The following TMEM209 variants were observed in gnomAD, a reference collection of about 807,000 sequenced individuals.
TMEM209 encodes transmembrane protein 209.
TMEM209 carries 65 observed loss-of-function variants against 76.2 expected under a neutral mutation model. The ratio of observed to expected loss-of-function variants is 0.85; its 90% confidence interval spans 0.70 to 1.05. The LOEUF (loss-of-function observed/expected upper bound fraction) is 1.05. Among genes scored for constraint, TMEM209 ranks in the 50% least tolerant of loss-of-function variants. The pLI is 0.00. For synonymous variants in TMEM209, 239 were observed against 237.6 expected, an observed-to-expected ratio of 1.01 and a Z score of -0.06; for missense variants, 623 against 685.5, an observed-to-expected ratio of 0.91 and a Z score of 1.02.
intron 8 of TMEM209, among the ~76,000 whole-genome samples, chr7:130,183,399 G>A (rs1370594623): frequency 6.6e-6 from 1 of 152,120 alleles, no homozygotes; most frequent in Non-Finnish European, 1.5e-5. Flanking sequence ...TCCATAAAAT[G>A]CCATCCAGGT....
chr7:130,185,855 G>T (rs1797579736), intron 6 of TMEM209, among the ~76,000 whole-genome samples: 1 of 152,058 alleles, frequency 6.6e-6, no homozygotes, highest in South Asian at 2.1e-4. Context: ...ACAGCCTGTG[G>T]TAATTCCTGA....
chr7:130,199,694 AACAT>A (rs1798120702), intron 5 of TMEM209: 1 of 152,228 alleles, frequency 6.6e-6, no homozygotes, highest in South Asian at 2.1e-4. Flanking sequence ...AGGGAGAGTT[AACAT>A]AAGAAAAAAA....
intron 13 of TMEM209, among the ~76,000 whole-genome samples, chr7:130,171,891 A>G (rs561153126): frequency 2.6e-5 from 4 of 152,096 alleles, no homozygotes; most frequent in African/African-American, 7.2e-5. Flanking sequence ...AAATTAGCCA[A>G]GCGTGGTGGC....
chr7:130,191,775 T>A (rs752806922), intron 6 of TMEM209, among the ~76,000 whole-genome samples: 1 of 152,252 alleles, frequency 6.6e-6, no homozygotes, highest in African/African-American at 2.4e-5. Context: ...ATTACAAAGA[T>A]GTGCCAAGGA....
Position 130,181,795 on chromosome 7 carries a change from G to A in TMEM209, c.1024-76C>T. 4 of 1,187,540 alleles carry A rather than the reference G, an allele frequency of 3.4e-6. No homozygotes were observed. In the South Asian group the frequency reaches 4.1e-5, roughly 12 times the overall value. The allele number at this position is 1,187,540 out of a possible 1,614,324, so 73.6% of individuals were successfully genotyped here. A position where few individuals can be genotyped will look rare whatever the true frequency, so the allele number is the denominator to read the frequency against. On this transcript the variant is annotated intron_variant, in intron 8 of 14. Transcript: ENST00000397622. ...CAAATAATTACTTTCTTTTTTACAA[G>A]CAACTCTAAGAATTTTTTTTACTAT...
Position 130,173,676 on chromosome 7 carries a change from G to A in TMEM209, c.1513C>T (p.His505Tyr). 4 of 1,613,716 alleles carry A rather than the reference G, an allele frequency of 2.5e-6. No homozygotes were observed. Among genetic ancestry groups the A allele is most frequent in the Non-Finnish European group, 3.4e-6 (4 of 1,179,814 alleles). Residue 505 changes from histidine (H) to tyrosine (Y), a missense_variant, in exon 13 of 15, where the codon CAT (histidine) becomes TAT (tyrosine). Transcript: ENST00000397622. Reference sequence around the variant, plus strand: ...TGACGCTGGTAGATGAGCTCATAATGGGGAGGGTTGATAGCACTCTGATAA... The same window carrying A: ...TGACGCTGGTAGATGAGCTCATAATAGGGAGGGTTGATAGCACTCTGATAA... ...CIYQSAINPPHYELIYQRHVY... is the reference protein window; with the variant it reads ...CIYQSAINPPYYELIYQRHVY...
chr7:130,170,308 C>G, intron 14 of TMEM209, 92 bp downstream of exon 14: 2 of 1,068,500 alleles, frequency 1.9e-6, no homozygotes, highest in Non-Finnish European at 2.8e-6. Context: ...ATCCATAAAC[C>G]TTCAGTTACA....
At chr7:130,200,933 C>T (rs990790175) in intron 5 of TMEM209, among the ~76,000 whole-genome samples, 1 of 151,400 alleles carries the variant, frequency 6.6e-6, no homozygotes, top group Non-Finnish European at 1.5e-5. Flanking sequence ...ACTGAAAGTA[C>T]AAAAAATTAG....
intron 4 of TMEM209, 135 bp from the exon 5 acceptor site, chr7:130,202,226 T>C: frequency 8.1e-7 from 1 of 1,231,138 alleles, no homozygotes; most frequent in Admixed American, 2.9e-5. Context: ...TCACAGAATG[T>C]ATTATTACCA....
In TMEM209 at chr7:130,184,247, T is replaced by A. The variant is rs1797518692; in HGVS notation, c.960A>T (p.Ala320=). Residue 320 remains alanine, a synonymous_variant, in exon 8 of 15, where the codon GCA becomes GCT. Transcript: ENST00000397622. Reference sequence around the variant, plus strand: ...GAAGTTGTCTATTCATAGCCACTCTTGCCCAGACCTATAAAAATTCATGTT... The same window carrying A: ...GAAGTTGTCTATTCATAGCCACTCTAGCCCAGACCTATAAAAATTCATGTT... ...SSKQAAEEVW[A]RVAMNRQLLD... The A allele has an allele frequency of 6.2e-7, 1 of 1,601,196 alleles. No individual in the cohort carries two copies. The highest frequency in any genetic ancestry group is 8.5e-7 in the Non-Finnish European group (1 of 1,174,710).
rs751870550 is a variant in TMEM209 at position 130,178,469 on chromosome 7, A to G, written c.1179T>C (p.Thr393=). 2.5e-6 allele frequency: 4 copies of G among 1,613,768 alleles called. No homozygotes were observed. In the African/African-American group the frequency reaches 5.3e-5, roughly 22 times the overall value. ...CTAGATACTGAACGATTGTGTTCAAAGTCGGAATGAGAGGCGCTTTAACCA... is the reference window on the plus strand; with the variant it reads ...CTAGATACTGAACGATTGTGTTCAAGGTCGGAATGAGAGGCGCTTTAACCA... ...AALVKAPLIP[T]LNTIVQYLDL... Residue 393 remains threonine (T), a synonymous_variant, in exon 10 of 15, where the codon ACT becomes ACC. Coordinates refer to ENST00000397622, the MANE Select transcript of TMEM209 (RefSeq NM_032842.4).
chr7:130,188,510 G>C (rs1430678483), intron 6 of TMEM209, among the ~76,000 whole-genome samples: 2 of 149,972 alleles, frequency 1.3e-5, no homozygotes, highest in Non-Finnish European at 3.0e-5. Context: ...GCAGGAGAAT[G>C]GCATGAACCC....
intron 9 of TMEM209, among the ~76,000 whole-genome samples, chr7:130,180,745 A>C (rs1797384524): frequency 6.6e-6 from 1 of 152,238 alleles, no homozygotes; most frequent in Non-Finnish European, 1.5e-5. Flanking sequence ...TCATCATGGA[A>C]ATGCAAATCA....
intron 5 of TMEM209, among the ~76,000 whole-genome samples, chr7:130,196,325 G>A (rs527653049): frequency 7.5e-6 from 1 of 133,650 alleles, no homozygotes; most frequent in African/African-American, 2.5e-5. Flanking sequence ...CCAATTTTTG[G>A]CTTTTTTTTT....
intron 5 of TMEM209, among the ~76,000 whole-genome samples, chr7:130,194,235 TA>T (rs1364257778): frequency 7.0e-6 from 1 of 142,786 alleles, no homozygotes; most frequent in Non-Finnish European, 1.5e-5. Flanking sequence ...TGTGAGGGGG[TA>T]TACTGATCAT....
chr7:130,192,794 A>G lies in TMEM209; in HGVS notation c.603T>C (p.Ser201=). Residue 201 remains serine (S), a synonymous_variant, in exon 6 of 15, where the codon TCT becomes TCC. Transcript: ENST00000397622. Reference sequence around the variant, plus strand: ...CTGGTCCAACAGTGGTAGGGTACGGAGAAGGAGGAGAGGGGCTAAAGCTCG... The same window carrying G: ...CTGGTCCAACAGTGGTAGGGTACGGGGAAGGAGGAGAGGGGCTAAAGCTCG... ...KLASFSPSPP[S]PYPTTVGPVE... is the part of the protein sequence containing the mutation. 1 of 1,613,964 alleles carries G rather than the reference A, an allele frequency of 6.2e-7. No homozygotes were observed. The highest frequency in any genetic ancestry group is 8.5e-7 in the Non-Finnish European group (1 of 1,179,862).
chr7:130,181,770 C>T, intron 8 of TMEM209, 51 bp from the exon 9 acceptor site: 1 of 1,418,470 alleles, frequency 7.0e-7, no homozygotes, highest in East Asian at 2.4e-5. Flanking sequence ...AAGTAGCTGT[C>T]AAATAATTAC....
At chr7:130,177,021 C>T (rs534706535) in intron 10 of TMEM209, among the ~76,000 whole-genome samples, 15 of 85,244 alleles carry the variant, frequency 1.8e-4, no homozygotes, top group African/African-American at 5.6e-4. Flanking sequence ...CAGAGCGAGC[C>T]GGGTCTCAAA....
At chr7:130,200,195 GAA>G (rs570293830) in intron 5 of TMEM209, among the ~76,000 whole-genome samples, 1 of 151,234 alleles carries the variant, frequency 6.6e-6, no homozygotes, top group Admixed American at 6.6e-5. Context: ...AGCAACCCAA[GAA>G]AAAAAATCAG....
Sources: gnomAD v4.1 joint callset for allele counts (sites outside exome capture counted in the v4.1 genomes callset) on GRCh38, gnomAD v4.1.1 for gene constraint, MANE v1.5 for transcripts, NCBI Gene and HGNC (gene_info 2026-07-23, HGNC 2026-07-21) for gene names.